The following GLUD2 variants were observed in gnomAD, a reference collection of about 807,000 sequenced individuals.
The protein encoded by GLUD2 is glutamate dehydrogenase 2.
Under a neutral mutation model 16.2 loss-of-function variants are expected in GLUD2, and 11 were observed. That is an observed-to-expected ratio of 0.68 (90% CI 0.43 to 1.13). The LOEUF is 1.13. Ranked by LOEUF, GLUD2 falls within the 50% of genes most tolerant of loss-of-function variation. The pLI, the probability that GLUD2 is intolerant of heterozygous loss-of-function variation, is 0.00. For missense variants in GLUD2, 360 were observed against 456.4 expected (o/e 0.79, Z 1.93); for synonymous variants, 147 against 181.9 (o/e 0.81, Z 1.55).
rs1437720564 is a variant in GLUD2 at position 121,048,356 on chromosome X, A to G, written c.672A>G (p.Pro224=). 1 of 1,212,020 alleles carries G rather than the reference A, an allele frequency of 8.3e-7. No individual in the cohort carries two copies. The highest frequency in any genetic ancestry group is 1.1e-6 in the Non-Finnish European group (1 of 895,550). Residue 224 remains proline (P), a synonymous_variant, in exon 1 of 1, where the codon CCA becomes CCG. Coordinates refer to ENST00000328078, the MANE Select transcript of GLUD2 (RefSeq NM_012084.4). ...FIGPGVDVPA[P]DMNTGEREMS... Reference sequence around the variant, plus strand: ...GTCCTGGCGTTGATGTGCCTGCTCCAGACATGAACACAGGTGAGCGGGAGA... The same window carrying G: ...GTCCTGGCGTTGATGTGCCTGCTCCGGACATGAACACAGGTGAGCGGGAGA...
chrX:121,048,276 T>C lies in GLUD2; in HGVS notation c.592T>C (p.Leu198=). 2.5e-6 allele frequency: 3 copies of C among 1,211,299 alleles called. No homozygotes were observed. Among genetic ancestry groups the C allele is most frequent in the East Asian group, 3.0e-5 (1 of 33,815 alleles). The part of the protein sequence containing the change: ...INPKNYTENE[L]EKITRRFTME... ...TCCCAAGAACTATACCGAAAATGAATTGGAAAAGATCACAAGGAGGTTCAC... is the reference window on the plus strand; with the variant it reads ...TCCCAAGAACTATACCGAAAATGAACTGGAAAAGATCACAAGGAGGTTCAC... Residue 198 remains leucine (L), a synonymous_variant, in exon 1 of 1, where the codon TTG becomes CTG. Coordinates refer to ENST00000328078, the MANE Select transcript of GLUD2 (RefSeq NM_012084.4).
At position 121,047,674 on chromosome X, in the gene GLUD2, C is replaced by T. The variant is rs1230547560; in HGVS notation, c.-11C>T. On this transcript the variant is annotated 5_prime_UTR_variant, in exon 1 of 1. Transcript: ENST00000328078. Reference sequence around the variant, plus strand: ...CCGCGACCGTCACGCACCCCTCCTCCGCCTGCCGCGATGTACCGCTACCTG... The same window carrying T: ...CCGCGACCGTCACGCACCCCTCCTCTGCCTGCCGCGATGTACCGCTACCTG... 18 of 1,056,744 alleles carry T rather than the reference C, an allele frequency of 1.7e-5. No homozygotes were observed. Among genetic ancestry groups the T allele is most frequent in the Non-Finnish European group, 2.2e-5 (18 of 812,710 alleles). The allele number at this position is 1,056,744 out of a possible 1,213,427, so 87.1% of individuals were successfully genotyped here. A position where few individuals can be genotyped will look rare whatever the true frequency, so the allele number is the denominator to read the frequency against.
At position 121,047,731 on chromosome X, in the gene GLUD2, C is replaced by A. The variant is rs1925377006; in HGVS notation, c.47C>A (p.Pro16His). 1 of 1,108,434 alleles carries A rather than the reference C, an allele frequency of 9.0e-7. No individual in the cohort carries two copies. The highest frequency in any genetic ancestry group is 1.9e-5 in the African/African-American group (1 of 52,386). 91.3% of individuals were successfully genotyped at this position (1,108,434 alleles called of 1,213,427 possible). The change falls in exon 1 of 1, where the codon CCC becomes CAC. Residue 16 changes from proline to histidine, a missense_variant. Physicochemically the swap from Pro to His is moderately conservative, Grantham distance 77. Coordinates refer to ENST00000328078, the MANE Select transcript of GLUD2 (RefSeq NM_012084.4). ...AKALLPSRAG[P>H]AALGSAANHS... ...GCGCTGCTGCCGTCCCGGGCCGGGC[C>A]CGCTGCCCTGGGCTCCGCGGCCAAC...
chrX:121,047,711 G>C lies in GLUD2; in HGVS notation c.27G>C (p.Leu9=). Residue 9 remains leucine (L), a synonymous_variant, in exon 1 of 1, where the codon CTG becomes CTC. Coordinates refer to ENST00000328078, the MANE Select transcript of GLUD2 (RefSeq NM_012084.4). The part of the protein sequence containing the change: MYRYLAKA[L]LPSRAGPAAL... ...TGTACCGCTACCTGGCCAAAGCGCT[G>C]CTGCCGTCCCGGGCCGGGCCCGCTG... 1 of 1,101,787 alleles carries C rather than the reference G, an allele frequency of 9.1e-7. No homozygotes were observed. The allele number at this position is 1,101,787 out of a possible 1,213,427, so 90.8% of individuals were successfully genotyped here.
chrX:121,047,622 CG>C lies in GLUD2; in HGVS notation c.-59del. 1.0e-5 allele frequency: 8 copies of C among 762,510 alleles called. No homozygotes were observed. Among genetic ancestry groups the C allele is most frequent in the South Asian group, 9.1e-5 (2 of 21,962 alleles). 62.8% of individuals were successfully genotyped at this position (762,510 alleles called of 1,213,427 possible). On this transcript the variant is annotated 5_prime_UTR_variant, in exon 1 of 1. Coordinates refer to ENST00000328078, the MANE Select transcript of GLUD2 (RefSeq NM_012084.4). ...GCGCCGGACCCTTCCTTCCTAGTCG[CG>C]GGGAGTCTGAGAAAGCGCACCTGTT...
Position 121,049,509 on chromosome X carries a change from G to A in GLUD2, c.*148G>A, listed in dbSNP as rs186145214. On this transcript the variant is annotated 3_prime_UTR_variant, in exon 1 of 1. Coordinates refer to ENST00000328078, the MANE Select transcript of GLUD2 (RefSeq NM_012084.4). ...TCAACAAGTCAATCCAAATCAGCCC[G>A]TTAAGGAGAAAGAAATTAATATACA... 5 of 576,029 alleles carry A rather than the reference G, an allele frequency of 8.7e-6. No individual in the cohort carries two copies. The highest frequency in any genetic ancestry group is 5.2e-4 in the Middle Eastern group (1 of 1,929). The allele number at this position is 576,029 out of a possible 1,213,427, so 47.5% of individuals were successfully genotyped here. A position where few individuals can be genotyped will look rare whatever the true frequency, so the allele number is the denominator to read the frequency against.
chrX:121,049,705 A>G lies in GLUD2; in HGVS notation c.*344A>G. On this transcript the variant is annotated 3_prime_UTR_variant, in exon 1 of 1. Transcript: ENST00000328078. ...GTCAAGAGCAGTCAGTTGCTTACTT[A>G]TTTTGCTCTGGATGAGTCTGGGACA... 1 of 294,174 alleles carries G rather than the reference A, an allele frequency of 3.4e-6. No individual in the cohort carries two copies. Among genetic ancestry groups the G allele is most frequent in the Non-Finnish European group, 6.3e-6 (1 of 158,207 alleles). 24.2% of individuals were successfully genotyped at this position (294,174 alleles called of 1,213,427 possible). A position where few individuals can be genotyped will look rare whatever the true frequency, so the allele number is the denominator to read the frequency against.
chrX:121,048,136 G>T lies in GLUD2; in HGVS notation c.452G>T (p.Arg151Leu). The T allele has an allele frequency of 8.3e-7, 1 of 1,211,992 alleles. No individual in the cohort carries two copies. The highest frequency in any genetic ancestry group is 2.2e-5 in the Admixed American group (1 of 46,124). Residue 151 changes from arginine to leucine, a missense_variant, in exon 1 of 1, where the codon CGT becomes CTT. Physicochemically the swap from Arg to Leu is moderately radical, Grantham distance 102. Transcript: ENST00000328078. ...CGCACGCCCTGCAAGGGAGGTATCC[G>T]TTACAGCACTGATGTGAGTGTAGAT... is the stretch of plus-strand genomic sequence containing the variant. ...QHRTPCKGGIRYSTDVSVDEV... is the reference protein window; with the variant it reads ...QHRTPCKGGILYSTDVSVDEV...
Position 121,048,792 on chromosome X carries a change from A to G in GLUD2, c.1108A>G (p.Ser370Gly), listed in dbSNP as rs1430594018. The change falls in exon 1 of 1, where the codon AGC (serine) becomes GGC (glycine). Residue 370 changes from serine to glycine, a missense_variant. Transcript: ENST00000328078. ...GFPKAKPYEGSILEVDCDILI... is the reference protein window; with the variant it reads ...GFPKAKPYEGGILEVDCDILI... ...CCCCAAGGCAAAGCCCTATGAAGGAAGCATCTTGGAGGTCGACTGTGACAT... is the reference window on the plus strand; with the variant it reads ...CCCCAAGGCAAAGCCCTATGAAGGAGGCATCTTGGAGGTCGACTGTGACAT... 2.1e-5 allele frequency: 25 copies of G among 1,211,773 alleles called. No individual in the cohort carries two copies. Among genetic ancestry groups the G allele is most frequent in the Non-Finnish European group, 2.5e-5 (22 of 895,554 alleles).
rs778620218 is a variant in GLUD2, at chrX:121,049,252, A to G, written c.1568A>G (p.His523Arg). Residue 523 changes from histidine (H) to arginine (R), a missense_variant, in exon 1 of 1, where the codon CAC (histidine) becomes CGC (arginine). Around this residue, in one of 3 missense-constraint regions of GLUD2, gnomAD observed 279 missense variants for 352.9 expected, o/e 0.79. Coordinates refer to ENST00000328078, the MANE Select transcript of GLUD2 (RefSeq NM_012084.4). ...GAGCGTTCTGCCAGGCAAATTATGC[A>G]CACAGCCATGAAGTATAACCTGGGA... ...TMERSARQIM[H>R]TAMKYNLGLD... is the part of the protein sequence containing the mutation. 1 of 1,211,403 alleles carries G rather than the reference A, an allele frequency of 8.3e-7. No individual in the cohort carries two copies. The highest frequency in any genetic ancestry group is 1.8e-5 in the South Asian group (1 of 56,993).
rs28928873 is a variant in GLUD2, at chrX:121,048,504, C to T, written c.820C>T (p.Arg274Cys). ...GIHGRISATG[R>C]GVFHGIENFI... ...CCATGGACGCATCTCTGCTACTGGC[C>T]GTGGTGTCTTCCATGGGATTGAAAA... Residue 274 changes from arginine to cysteine, a missense_variant, in exon 1 of 1, where the codon CGT (arginine) becomes TGT (cysteine). Around this residue, in one of 3 missense-constraint regions of GLUD2, gnomAD observed 279 missense variants for 352.9 expected, o/e 0.79. Transcript: ENST00000328078. 4 of 1,211,519 alleles carry T rather than the reference C, an allele frequency of 3.3e-6. No individual in the cohort carries two copies. The highest frequency in any genetic ancestry group is 4.5e-6 in the Non-Finnish European group (4 of 895,366).
In GLUD2 at chrX:121,049,296, G is replaced by A. The variant is rs55734241; in HGVS notation, c.1612G>A (p.Ala538Thr). Reference sequence around the variant, plus strand: ...CCTGGGATTGGACCTGAGAACAGCTGCCTATGTCAATGCCATTGAAAAAGT... The same window carrying A: ...CCTGGGATTGGACCTGAGAACAGCTACCTATGTCAATGCCATTGAAAAAGT... ...YNLGLDLRTA[A>T]YVNAIEKVFK... Residue 538 changes from alanine to threonine, a missense_variant, in exon 1 of 1, where the codon GCC becomes ACC. Transcript: ENST00000328078. The A allele has an allele frequency of 1.2e-5, 15 of 1,211,278 alleles. No homozygotes were observed. The highest frequency in any genetic ancestry group is 1.7e-5 in the African/African-American group (1 of 57,843).
chrX:121,048,669 G>C lies in GLUD2; in HGVS notation c.985G>C (p.Ala329Pro). The C allele has an allele frequency of 1.7e-6, 2 of 1,211,311 alleles. No homozygotes were observed. The highest frequency in any genetic ancestry group is 2.2e-6 in the Non-Finnish European group (2 of 895,013). The change falls in exon 1 of 1, where the codon GCT becomes CCT. Residue 329 changes from alanine (A) to proline (P), a missense_variant. Coordinates refer to ENST00000328078, the MANE Select transcript of GLUD2 (RefSeq NM_012084.4). Reference sequence around the variant, plus strand: ...ACATCGTTTTGGTGCTAAATGTATTGCTGTTGGTGAGTCTGATGGGAGTAT... The same window carrying C: ...ACATCGTTTTGGTGCTAAATGTATTCCTGTTGGTGAGTCTGATGGGAGTAT... ...YLHRFGAKCI[A>P]VGESDGSIWN...
chrX:121,048,329 T>C lies in GLUD2; in HGVS notation c.645T>C (p.Ile215=). Residue 215 remains isoleucine, a synonymous_variant, in exon 1 of 1, where the codon ATT becomes ATC. Transcript: ENST00000328078. ...FTMELAKKGF[I]GPGVDVPAPD... ...TGGAGCTAGCAAAGAAGGGCTTTAT[T>C]GGTCCTGGCGTTGATGTGCCTGCTC... The C allele has an allele frequency of 8.3e-7, 1 of 1,211,658 alleles. No homozygotes were observed. Among genetic ancestry groups the C allele is most frequent in the Non-Finnish European group, 1.1e-6 (1 of 895,507 alleles).
At position 121,049,026 on chromosome X, in the gene GLUD2, C is replaced by T. The variant is rs745783716; in HGVS notation, c.1342C>T (p.His448Tyr). 5.0e-6 allele frequency: 6 copies of T among 1,209,967 alleles called. No homozygotes were observed. Among genetic ancestry groups the T allele is most frequent in the Admixed American group, 4.4e-5 (2 of 45,877 alleles). ...SYFEWLKNLN[H>Y]VSYGRLTFKY... ...CTTTGAGTGGCTGAAGAATCTAAATCATGTCAGCTATGGCCGTTTGACCTT... is the reference window on the plus strand; with the variant it reads ...CTTTGAGTGGCTGAAGAATCTAAATTATGTCAGCTATGGCCGTTTGACCTT... The change falls in exon 1 of 1, where the codon CAT becomes TAT. Residue 448 changes from histidine (H) to tyrosine (Y), a missense_variant. Transcript: ENST00000328078.
At position 121,049,198 on chromosome X, in the gene GLUD2, T is replaced by C; in HGVS notation, c.1514T>C (p.Ile505Thr). The part of the protein sequence containing the change: ...DSISGASEKD[I>T]VHSALAYTME... ...ATATCGGGTGCATCTGAGAAAGACA[T>C]TGTGCACTCTGCCTTGGCATACACA... Residue 505 changes from isoleucine to threonine, a missense_variant, in exon 1 of 1, where the codon ATT (isoleucine) becomes ACT (threonine). By Grantham distance (89) the Ile-to-Thr change is moderately conservative. Coordinates refer to ENST00000328078, the MANE Select transcript of GLUD2 (RefSeq NM_012084.4). 1 of 1,211,816 alleles carries C rather than the reference T, an allele frequency of 8.3e-7. No individual in the cohort carries two copies. The highest frequency in any genetic ancestry group is 1.1e-6 in the Non-Finnish European group (1 of 895,385).
Position 121,047,679 on chromosome X carries a change from G to A in GLUD2, c.-6G>A. On this transcript the variant is annotated 5_prime_UTR_variant, in exon 1 of 1. Transcript: ENST00000328078. ...ACCGTCACGCACCCCTCCTCCGCCT[G>A]CCGCGATGTACCGCTACCTGGCCAA... 1 of 1,069,850 alleles carries A rather than the reference G, an allele frequency of 9.3e-7. No homozygotes were observed. The highest frequency in any genetic ancestry group is 1.2e-6 in the Non-Finnish European group (1 of 820,703). 88.2% of individuals were successfully genotyped at this position (1,069,850 alleles called of 1,213,427 possible). A position where few individuals can be genotyped will look rare whatever the true frequency, so the allele number is the denominator to read the frequency against.
rs1395446342 is a variant in GLUD2, at chrX:121,049,253, C to T, written c.1569C>T (p.His523=). ...AGCGTTCTGCCAGGCAAATTATGCA[C>T]ACAGCCATGAAGTATAACCTGGGAT... ...TMERSARQIM[H]TAMKYNLGLD... is the part of the protein sequence containing the mutation. Residue 523 remains histidine, a synonymous_variant, in exon 1 of 1, where the codon CAC becomes CAT. Transcript: ENST00000328078. The T allele has an allele frequency of 1.4e-5, 17 of 1,211,237 alleles. No individual in the cohort carries two copies. The highest frequency in any genetic ancestry group is 1.9e-5 in the Non-Finnish European group (17 of 894,905).
rs760923536 is a variant in GLUD2, at chrX:121,047,907, G to A, written c.223G>A (p.Asp75Asn). 8.3e-7 allele frequency: 1 copy of A among 1,211,073 alleles called. No individual in the cohort carries two copies. Among genetic ancestry groups the A allele is most frequent in the Admixed American group, 2.2e-5 (1 of 46,170 alleles). Reference protein sequence around the residue: ...NFFKMVEGFFDRGASIVEDKL... With the variant: ...NFFKMVEGFFNRGASIVEDKL... ...CTTCAAGATGGTGGAGGGCTTCTTC[G>A]ATCGCGGCGCCAGCATCGTGGAGGA... The change falls in exon 1 of 1, where the codon GAT becomes AAT. Residue 75 changes from aspartate (D) to asparagine (N), a missense_variant. This residue lies in a region of GLUD2 where 23 missense variants were observed against 53.7 expected (regional missense o/e 0.43). Coordinates refer to ENST00000328078, the MANE Select transcript of GLUD2 (RefSeq NM_012084.4).
Sources: allele counts gnomAD v4.1 joint callset, GRCh38; gene constraint gnomAD v4.1.1; regional missense constraint gnomAD v4.1.1; transcripts MANE v1.5; gene names NCBI Gene and HGNC (gene_info 2026-07-23, HGNC 2026-07-21).